Variants in FSTL4 observed in about 807,000 individuals in gnomAD.
The protein encoded by FSTL4 is follistatin-related protein 4.
A neutral mutation model predicts 78.2 loss-of-function variants in FSTL4; 28 were observed. That is an observed-to-expected ratio of 0.36 (90% CI 0.27 to 0.49). The LOEUF is 0.49. Among genes scored for constraint, FSTL4 ranks in the 20% least tolerant of loss-of-function variants. FSTL4 has a pLI of 0.98. For missense variants in FSTL4, 922 were observed against 1,084.9 expected (o/e 0.85, Z 2.11); for synonymous variants, 422 against 440.5 (o/e 0.96, Z 0.53).
chr5:133,740,017 C>A, the FSTL4 span, among the ~76,000 whole-genome samples: 1 of 151,934 alleles, frequency 6.6e-6, no homozygotes, highest in Non-Finnish European at 1.5e-5. Context: ...CTCAGCCCTG[C>A]AAGTAGCAAG....
chr5:133,739,959 C>T, the FSTL4 span, among the ~76,000 whole-genome samples: 1 of 147,538 alleles, frequency 6.8e-6, no homozygotes, highest in Non-Finnish European at 1.5e-5. Context: ...ATGGTACAAA[C>T]ACAACTCACT....
At chr5:133,362,881 CT>C (rs555448942) in intron 4 of FSTL4, among the ~76,000 whole-genome samples, 5 of 152,312 alleles carry the variant, frequency 3.3e-5, no homozygotes, top group African/African-American at 1.2e-4. Flanking sequence ...AACCTATCTC[CT>C]TTTTAAATCA....
At chr5:133,360,441 T>C (rs553451002) in intron 4 of FSTL4, among the ~76,000 whole-genome samples, 6 of 151,814 alleles carry the variant, frequency 4.0e-5, no homozygotes, top group Admixed American at 3.9e-4. Flanking sequence ...AACATCACTA[T>C]AGTGTCTCTT....
chr5:133,330,729 A>G (rs572171027), intron 4 of FSTL4, among the ~76,000 whole-genome samples: 52 of 152,270 alleles, frequency 3.4e-4, no homozygotes, highest in Non-Finnish European at 6.6e-4. Context: ...CAAGATAATA[A>G]AGGGGGGCTT....
chr5:133,777,802 T>C, the FSTL4 span, among the ~76,000 whole-genome samples: 1 of 152,346 alleles, frequency 6.6e-6, no homozygotes, highest in Non-Finnish European at 1.5e-5. Context: ...TTATTTAATA[T>C]TCAGGCCATG....
In FSTL4 at chr5:133,543,090, C is replaced by T. The variant is rs185538124; in HGVS notation, c.160+24096G>A. ...TTATTTTTTCTTTTCCTTGCTCTGC[C>T]ACCAGGCTGGAGTGCAGTGGTGCCA... On this transcript the variant is annotated intron_variant, in intron 3 of 15. Transcript: ENST00000265342. 3.5e-4 allele frequency among the ~76,000 whole-genome samples: 53 copies of T among 152,202 alleles called. 1 individual carries two copies. In the East Asian group the frequency reaches 0.01, roughly 29 times the overall value.
chr5:133,532,092 G>C (rs1027397924), intron 3 of FSTL4, among the ~76,000 whole-genome samples: 1 of 152,196 alleles, frequency 6.6e-6, no homozygotes, highest in African/African-American at 2.4e-5. Context: ...TACAATCACA[G>C]GTCCTTCTAA....
intron 4 of FSTL4, among the ~76,000 whole-genome samples, chr5:133,341,478 A>G (rs4958118): frequency 0.66 from 100,017 of 151,748 alleles, 33,913 homozygotes; most frequent in African/African-American, 0.82. Flanking sequence ...AGGAATTCCC[A>G]CCAAGCCCCT....
chr5:133,628,763 AT>A, the FSTL4 span, among the ~76,000 whole-genome samples: 2 of 152,218 alleles, frequency 1.3e-5, no homozygotes, highest in African/African-American at 4.8e-5. Context: ...AATTAAAAAA[AT>A]GAATAAAGAA....
intron 2 of FSTL4, among the ~76,000 whole-genome samples, chr5:133,600,880 T>G (rs1037490355): frequency 5.9e-5 from 9 of 152,238 alleles, no homozygotes; most frequent in African/African-American, 1.9e-4. Context: ...AAAAGGTTTT[T>G]CACTTATTTA....
chr5:133,575,638 G>T (rs1760259984), intron 2 of FSTL4, among the ~76,000 whole-genome samples: 1 of 152,132 alleles, frequency 6.6e-6, no homozygotes, highest in East Asian at 1.9e-4. Context: ...TCTTTCCAGT[G>T]CTTAAAAAAG....
At chr5:133,829,763 T>C in the FSTL4 span, among the ~76,000 whole-genome samples, 6 of 152,174 alleles carry the variant, frequency 3.9e-5, no homozygotes, top group African/African-American at 1.4e-4. Flanking sequence ...TCAAAGAGGC[T>C]ATTTCTAGAG....
chr5:133,311,632 C>T (rs1753788125), intron 6 of FSTL4, among the ~76,000 whole-genome samples: 1 of 152,162 alleles, frequency 6.6e-6, no homozygotes, highest in South Asian at 2.1e-4. Flanking sequence ...CACTCTGAAG[C>T]AGGAATACTT....
chr5:133,374,680 G>T (rs1561691141), intron 4 of FSTL4, among the ~76,000 whole-genome samples: 1 of 151,852 alleles, frequency 6.6e-6, no homozygotes, highest in East Asian at 1.9e-4. Context: ...GAGTCCTCAT[G>T]AATGGGATTA....
At chr5:133,823,925 A>AT in the FSTL4 span, among the ~76,000 whole-genome samples, 1 of 152,162 alleles carries the variant, frequency 6.6e-6, no homozygotes, top group African/African-American at 2.4e-5. Flanking sequence ...CTAAGGTTTA[A>AT]TTTTTTAAAG....
intron 3 of FSTL4, among the ~76,000 whole-genome samples, chr5:133,424,268 G>A (rs766201296): frequency 2.6e-5 from 4 of 152,184 alleles, no homozygotes; most frequent in African/African-American, 9.7e-5. Context: ...ACCCAGACCC[G>A]TGAACAGTGC....
the FSTL4 span, among the ~76,000 whole-genome samples, chr5:133,624,994 A>G: frequency 6.6e-6 from 1 of 151,724 alleles, no homozygotes; most frequent in Non-Finnish European, 1.5e-5. Flanking sequence ...TTGGTATATA[A>G]TTCTTTTTAT....
chr5:133,374,891 AAT>A (rs915144589), intron 4 of FSTL4, among the ~76,000 whole-genome samples: 1 of 152,122 alleles, frequency 6.6e-6, no homozygotes, highest in African/African-American at 2.4e-5. Context: ...AGACTATGAT[AAT>A]CCGTTATAGC....
intron 4 of FSTL4, among the ~76,000 whole-genome samples, chr5:133,334,552 C>G (rs964197597): frequency 9.2e-5 from 14 of 152,160 alleles, no homozygotes; most frequent in Admixed American, 6.5e-5. Context: ...CAGATATGTT[C>G]TCTGTGGAAG....
Sources: allele counts gnomAD v4.1 joint callset (sites outside exome capture counted in the v4.1 genomes callset), GRCh38; gene constraint gnomAD v4.1.1; transcripts MANE v1.5; gene names NCBI Gene and HGNC (gene_info 2026-07-23, HGNC 2026-07-21).